The following ZNF727 variants were observed in gnomAD, a reference collection of about 807,000 sequenced individuals.
ZNF727 encodes the protein zinc finger protein 727.
In ZNF727, 11 loss-of-function variants were observed where a neutral mutation model predicts 11.5. The observed-to-expected ratio is 0.95, with a 90% confidence interval of 0.60 to 1.58. The LOEUF is 1.58. Ranked by LOEUF, ZNF727 falls within the 40% of genes most tolerant of loss-of-function variation. The probability of loss-of-function intolerance (pLI) is 0.00; values close to 1 mark genes in which losing one functional copy is unlikely to be tolerated. For synonymous variants in ZNF727, 171 were observed against 196.1 expected (o/e 0.87, Z 1.07); for missense variants, 533 against 581.7 (o/e 0.92, Z 0.86).
At chr7:64,049,594 G>A (rs1789559493) in intron 1 of ZNF727, among the ~76,000 whole-genome samples, 1 of 151,682 alleles carries the variant, frequency 6.6e-6, no homozygotes, top group Non-Finnish European at 1.5e-5. Context: ...TAAACATTTA[G>A]AAATATATAT....
In ZNF727 at chr7:64,077,915, G is replaced by C. The variant is rs1005047555; in HGVS notation, c.866G>C (p.Cys289Ser). 6.3e-7 allele frequency: 1 copy of C among 1,587,064 alleles called. No individual in the cohort carries two copies. Among genetic ancestry groups the C allele is most frequent in the Admixed American group, 1.8e-5 (1 of 55,510 alleles). Residue 289 changes from cysteine (C) to serine (S), a missense_variant, in exon 4 of 4, where the codon TGT becomes TCT. By Grantham distance (112) the Cys-to-Ser change is moderately radical. Transcript: ENST00000456806. The part of the protein sequence containing the change: ...TGEKPYKCKE[C>S]HKAFRCCSDL... ...GAGAAACCCTACAAATGTAAAGAATGTCACAAAGCCTTTAGGTGTTGCTCA... is the reference window on the plus strand; with the variant it reads ...GAGAAACCCTACAAATGTAAAGAATCTCACAAAGCCTTTAGGTGTTGCTCA...
At chr7:64,050,502 C>T (rs1227515932) in intron 1 of ZNF727, among the ~76,000 whole-genome samples, 2 of 152,052 alleles carry the variant, frequency 1.3e-5, no homozygotes, top group Non-Finnish European at 2.9e-5. Flanking sequence ...TAGGTGTCCT[C>T]CTTAGTGACA....
At chr7:64,071,965 C>A (rs2116318692) in intron 3 of ZNF727, among the ~76,000 whole-genome samples, 1 of 152,014 alleles carries the variant, frequency 6.6e-6, no homozygotes, top group Non-Finnish European at 1.5e-5. Flanking sequence ...CACAGAGCAT[C>A]CTGTTTTTAT....
chr7:64,074,330 C>T (rs1317743407), intron 3 of ZNF727, among the ~76,000 whole-genome samples: 1 of 152,148 alleles, frequency 6.6e-6, no homozygotes, highest in Non-Finnish European at 1.5e-5. Flanking sequence ...TTTGAATTCT[C>T]TAAATCTTCA....
At position 64,045,514 on chromosome 7, in the gene ZNF727, T is replaced by C. The variant is rs1789486947; in HGVS notation, c.-108T>C. 1.4e-6 allele frequency: 2 copies of C among 1,450,578 alleles called. No individual in the cohort carries two copies. Among genetic ancestry groups the C allele is most frequent in the Non-Finnish European group, 1.9e-6 (2 of 1,055,124 alleles). 89.9% of individuals were successfully genotyped at this position (1,450,578 alleles called of 1,614,324 possible). A position where few individuals can be genotyped will look rare whatever the true frequency, so the allele number is the denominator to read the frequency against. On this transcript the variant is annotated 5_prime_UTR_variant, in exon 1 of 4. Coordinates refer to ENST00000456806, the MANE Select transcript of ZNF727 (RefSeq NM_001159522.3). ...TACCCGTCTGTACTATTCCATCTCT[T>C]CCGCTCCATTAGCTCCTCGGTGACT...
In ZNF727 at chr7:64,077,293, A is replaced by G. The variant is rs952426015; in HGVS notation, c.244A>G (p.Thr82Ala). ...AKHPAGSLHF[T>A]AEILLEHDIN... ...TTTTTCAGCTGGCTCTTTGCATTTTACTGCAGAGATATTGCTGGAGCACGA... is the reference window on the plus strand; with the variant it reads ...TTTTTCAGCTGGCTCTTTGCATTTTGCTGCAGAGATATTGCTGGAGCACGA... Residue 82 changes from threonine (T) to alanine (A), a missense_variant, in exon 4 of 4, where the codon ACT becomes GCT. By Grantham distance (58) the Thr-to-Ala change is moderately conservative. Transcript: ENST00000456806. 1 of 1,521,652 alleles carries G rather than the reference A, an allele frequency of 6.6e-7. No homozygotes were observed. Among genetic ancestry groups the G allele is most frequent in the African/African-American group, 1.4e-5 (1 of 70,856 alleles). 94.3% of individuals were successfully genotyped at this position (1,521,652 alleles called of 1,614,324 possible).
rs1264327707 is a variant in ZNF727 at position 64,069,591 on chromosome 7, A to G, written c.208A>G (p.Thr70Ala). Residue 70 changes from threonine (T) to alanine (A), a missense_variant, in exon 3 of 4, where the codon ACA (threonine) becomes GCA (alanine). Physicochemically the swap from Thr to Ala is moderately conservative, Grantham distance 58. Around this residue, in one of 3 missense-constraint regions of ZNF727, gnomAD observed 463 missense variants for 494.5 expected, o/e 0.94. Coordinates refer to ENST00000456806, the MANE Select transcript of ZNF727 (RefSeq NM_001159522.3). ...GCCTTGGAATGCGAGGAGACAGAAG[A>G]CAGTAGCCAAACACCCAGGTAGGTG... ...KEPWNARRQK[T>A]VAKHPAGSLH... The G allele has an allele frequency of 3.3e-5, 51 of 1,562,084 alleles. No homozygotes were observed. Among genetic ancestry groups the G allele is most frequent in the Middle Eastern group, 1.7e-4 (1 of 6,004 alleles).
chr7:64,067,562 A>G (rs1309230289), intron 1 of ZNF727, among the ~76,000 whole-genome samples: 1 of 152,190 alleles, frequency 6.6e-6, no homozygotes, highest in Non-Finnish European at 1.5e-5. Flanking sequence ...CAGCCATAAA[A>G]AAGAATGAGT....
chr7:64,045,810 C>T (rs1372142468), intron 1 of ZNF727, among the ~76,000 whole-genome samples, 186 bp downstream of exon 1: 2 of 152,104 alleles, frequency 1.3e-5, no homozygotes, highest in Non-Finnish European at 2.9e-5. Context: ...AAAACCCGAG[C>T]GTCTTGTTTT....
intron 3 of ZNF727, among the ~76,000 whole-genome samples, chr7:64,074,817 A>G (rs1032726836): frequency 6.6e-6 from 1 of 152,214 alleles, no homozygotes; most frequent in African/African-American, 2.4e-5. Flanking sequence ...CACAGAACGC[A>G]TGAAAACACT....
intron 1 of ZNF727, among the ~76,000 whole-genome samples, chr7:64,065,120 C>T (rs562692185): frequency 6.6e-6 from 1 of 152,234 alleles, no homozygotes; most frequent in South Asian, 2.1e-4. Flanking sequence ...AGTCATCTTG[C>T]TCCACTTCCC....
intron 1 of ZNF727, among the ~76,000 whole-genome samples, chr7:64,063,700 T>G (rs372950037): frequency 1.3e-5 from 2 of 152,094 alleles, no homozygotes; most frequent in East Asian, 1.9e-4. Context: ...TCATATCCTT[T>G]CCTTCAGGGC....
chr7:64,069,620 G>A lies in ZNF727; in HGVS notation c.226+11G>A, dbSNP rs1282593014. 6.5e-7 allele frequency: 1 copy of A among 1,545,478 alleles called. No homozygotes were observed. On this transcript the variant is annotated intron_variant, in intron 3 of 3. Coordinates refer to ENST00000456806, the MANE Select transcript of ZNF727 (RefSeq NM_001159522.3). ...TAGCCAAACACCCAGGTAGGTGGGAGTGAGTGAAGCAAATGACATAAATGA... is the reference window on the plus strand; with the variant it reads ...TAGCCAAACACCCAGGTAGGTGGGAATGAGTGAAGCAAATGACATAAATGA...
At chr7:64,077,000 T>C (rs140895811) in intron 3 of ZNF727, among the ~76,000 whole-genome samples, 1 of 152,208 alleles carries the variant, frequency 6.6e-6, no homozygotes, top group African/African-American at 2.4e-5. Flanking sequence ...AGAATGGCTG[T>C]GGTGGGTAAA....
At chr7:64,050,300 A>G (rs1356325058) in intron 1 of ZNF727, among the ~76,000 whole-genome samples, 2 of 152,190 alleles carry the variant, frequency 1.3e-5, no homozygotes, top group African/African-American at 4.8e-5. Context: ...TAACTTACTC[A>G]TGTTTGTATC....
intron 3 of ZNF727, among the ~76,000 whole-genome samples, chr7:64,076,013 T>TA (rs1189262429): frequency 3.7e-4 from 39 of 105,074 alleles, no homozygotes; most frequent in African/African-American, 1.2e-3. Flanking sequence ...TTTTGGTTAA[T>TA]TTTTTTGTTA....
intron 1 of ZNF727, among the ~76,000 whole-genome samples, chr7:64,049,391 CTT>C (rs1789557189): frequency 6.6e-6 from 1 of 151,912 alleles, no homozygotes; most frequent in Non-Finnish European, 1.5e-5. Flanking sequence ...ACCACATCCT[CTT>C]GTCTCTTTCT....
intron 1 of ZNF727, among the ~76,000 whole-genome samples, chr7:64,066,639 AC>A (rs1282586293): frequency 6.6e-6 from 1 of 152,188 alleles, no homozygotes; most frequent in Non-Finnish European, 1.5e-5. Flanking sequence ...TACACCTTAC[AC>A]AAAAATTAAA....
chr7:64,073,639 C>T (rs1257380595), intron 3 of ZNF727, among the ~76,000 whole-genome samples: 1 of 152,012 alleles, frequency 6.6e-6, no homozygotes, highest in South Asian at 2.1e-4. Flanking sequence ...AACTTAAAAA[C>T]AGCCATCTAA....
Sources: allele counts gnomAD v4.1 joint callset (sites outside exome capture counted in the v4.1 genomes callset), GRCh38; gene constraint gnomAD v4.1.1; regional missense constraint gnomAD v4.1.1; transcripts MANE v1.5; gene names NCBI Gene and HGNC (gene_info 2026-07-23, HGNC 2026-07-21).